The following CNTN5 variants were observed in gnomAD, a reference collection of about 807,000 sequenced individuals.
CNTN5 encodes the protein contactin 5.
In CNTN5, 77 loss-of-function variants were observed where a neutral mutation model predicts 129.1. The observed-to-expected ratio is 0.60, with a 90% CI of 0.50 to 0.72. The LOEUF is 0.72. Among genes scored for constraint, CNTN5 ranks in the 30% least tolerant of loss-of-function variants. The pLI is 0.00. For synonymous variants in CNTN5, 509 were observed against 465.6 expected (o/e 1.09, Z -1.20); for missense variants, 1,478 against 1,328.8 (o/e 1.11, Z -1.75).
intron 2 of CNTN5, among the ~76,000 whole-genome samples, chr11:99,504,025 T>A (rs951183858): frequency 1.3e-5 from 2 of 152,174 alleles, no homozygotes; most frequent in African/African-American, 4.8e-5. Flanking sequence ...AATTGTTCAA[T>A]GAGATGCTTG....
In CNTN5 at chr11:100,031,221, C is replaced by T. The variant is rs533333669; in HGVS notation, c.980+29085C>T. Among the ~76,000 whole-genome samples, 16 of 152,182 alleles carry T rather than the reference C, an allele frequency of 1.1e-4. 1 individual carries two copies. In the South Asian group the frequency reaches 1.4e-3, roughly 14 times the overall value. ...TCTATATCACACGAAACTATTGCTA[C>T]GGAATAAAAGATGAAATGCTCCTGA... On this transcript the variant is annotated intron_variant, in intron 9 of 24. Transcript: ENST00000524871.
chr11:100,003,754 A>G (rs912190790), intron 9 of CNTN5: 5 of 152,102 alleles, frequency 3.3e-5, no homozygotes, highest in African/African-American at 1.2e-4. Flanking sequence ...TTAATATGTT[A>G]TTTTCTTCAA....
chr11:100,143,251 G>A (rs886086276), intron 13 of CNTN5, among the ~76,000 whole-genome samples: 7 of 151,926 alleles, frequency 4.6e-5, no homozygotes, highest in South Asian at 2.1e-4. Flanking sequence ...AAGCTTCATT[G>A]ACGACATCTA....
At chr11:99,523,366 G>A (rs1228822113) in intron 2 of CNTN5, among the ~76,000 whole-genome samples, 1 of 152,112 alleles carries the variant, frequency 6.6e-6, no homozygotes, top group Non-Finnish European at 1.5e-5. Flanking sequence ...AGGCTGAGAG[G>A]GGCGGATCCC....
chr11:99,563,793 G>T (rs1948918792), intron 3 of CNTN5, among the ~76,000 whole-genome samples: 1 of 152,094 alleles, frequency 6.6e-6, no homozygotes. Context: ...GTAGTTGTAG[G>T]CTTTTTAGGT....
chr11:99,663,609 G>C lies in CNTN5; in HGVS notation c.55+107340G>C, dbSNP rs922325152. 5.9e-5 allele frequency among the ~76,000 whole-genome samples: 9 copies of C among 152,158 alleles called. 1 individual carries two copies. The highest frequency in any genetic ancestry group is 1.3e-4 in the Non-Finnish European group (9 of 68,018). ...ATCCACACATGCCAAGGGAGAGAGGGAGGTGATTGGATTAGGGTGGTTTCC... is the reference window on the plus strand; with the variant it reads ...ATCCACACATGCCAAGGGAGAGAGGCAGGTGATTGGATTAGGGTGGTTTCC... On this transcript the variant is annotated intron_variant, in intron 3 of 24. Coordinates refer to ENST00000524871, the MANE Select transcript of CNTN5 (RefSeq NM_014361.4).
chr11:100,102,525 T>G (rs1945260560), intron 13 of CNTN5, among the ~76,000 whole-genome samples: 1 of 151,928 alleles, frequency 6.6e-6, no homozygotes, highest in Non-Finnish European at 1.5e-5. Flanking sequence ...GAGAATGTCC[T>G]GAAAATACAG....
At chr11:99,424,366 C>T (rs1943026050) in intron 2 of CNTN5, among the ~76,000 whole-genome samples, 1 of 152,218 alleles carries the variant, frequency 6.6e-6, no homozygotes. Context: ...CAGCTGGAAA[C>T]CTCTGTGGCT....
chr11:99,578,093 C>T (rs527944450), intron 3 of CNTN5, among the ~76,000 whole-genome samples: 15 of 151,232 alleles, frequency 9.9e-5, no homozygotes, highest in African/African-American at 2.2e-4. Flanking sequence ...GTTTTTTCTC[C>T]GTGCGATAGT....
At chr11:99,656,172 C>T (rs939836133) in intron 3 of CNTN5, among the ~76,000 whole-genome samples, 4 of 151,984 alleles carry the variant, frequency 2.6e-5, no homozygotes, top group Admixed American at 2.0e-4. Context: ...CCTGTCTTTA[C>T]ATCCTACCTC....
At chr11:99,056,566 A>ATC (rs1864632673) in intron 1 of CNTN5, among the ~76,000 whole-genome samples, 1 of 151,972 alleles carries the variant, frequency 6.6e-6, no homozygotes, top group Non-Finnish European at 1.5e-5. Flanking sequence ...ATCATATTTT[A>ATC]ATAATTTTTA....
chr11:99,350,339 A>T (rs1250664584), intron 2 of CNTN5, among the ~76,000 whole-genome samples: 2 of 152,178 alleles, frequency 1.3e-5, no homozygotes, highest in African/African-American at 4.8e-5. Flanking sequence ...AGATGTTGGA[A>T]CTCACATTCA....
chr11:100,161,494 T>C (rs1565301783), intron 13 of CNTN5, among the ~76,000 whole-genome samples: 1 of 151,918 alleles, frequency 6.6e-6, no homozygotes, highest in Non-Finnish European at 1.5e-5. Flanking sequence ...GAAAGATATT[T>C]TCATGGATGA....
intron 8 of CNTN5, among the ~76,000 whole-genome samples, chr11:99,960,696 CAG>C (rs1176694452): frequency 1.3e-5 from 2 of 152,044 alleles, no homozygotes; most frequent in Non-Finnish European, 2.9e-5. Context: ...GTTTGGATAA[CAG>C]TGTTCAGAAA....
At chr11:99,032,936 A>G (rs1863474644) in intron 1 of CNTN5, among the ~76,000 whole-genome samples, 1 of 134,408 alleles carries the variant, frequency 7.4e-6, no homozygotes, top group Non-Finnish European at 1.5e-5. Flanking sequence ...TCTTGAATTG[A>G]TTTTTGTATA....
intron 3 of CNTN5, among the ~76,000 whole-genome samples, chr11:99,635,109 T>G (rs1034831446): frequency 2.6e-5 from 4 of 152,224 alleles, no homozygotes; most frequent in Non-Finnish European, 5.9e-5. Flanking sequence ...AAGAGAAGTC[T>G]TTTACTTTTC....
At chr11:99,080,521 A>G (rs570440288) in intron 1 of CNTN5, among the ~76,000 whole-genome samples, 2 of 152,310 alleles carry the variant, frequency 1.3e-5, no homozygotes, top group Admixed American at 6.5e-5. Context: ...ACACCATCCT[A>G]TCAGCAGAAG....
intron 2 of CNTN5, among the ~76,000 whole-genome samples, chr11:99,337,006 C>A (rs1251957734): frequency 6.6e-6 from 1 of 152,004 alleles, no homozygotes; most frequent in South Asian, 2.1e-4. Flanking sequence ...TTTGAAGTCA[C>A]ATAAGGACAC....
At chr11:99,225,420 T>G (rs1231511651) in intron 1 of CNTN5, among the ~76,000 whole-genome samples, 1 of 152,174 alleles carries the variant, frequency 6.6e-6, no homozygotes, top group Non-Finnish European at 1.5e-5. Context: ...GTTTGTTTCT[T>G]TATTTTACAA....
Sources: allele counts gnomAD v4.1 joint callset (sites outside exome capture counted in the v4.1 genomes callset), GRCh38; gene constraint gnomAD v4.1.1; transcripts MANE v1.5; gene names NCBI Gene and HGNC (gene_info 2026-07-23, HGNC 2026-07-21).